Variants in RBMS3 observed in about 807,000 individuals in gnomAD.
The protein encoded by RBMS3 is RNA binding motif single stranded interacting protein 3, also known as RNA-binding motif, single-stranded-interacting protein 3.
In RBMS3, 27 loss-of-function variants were observed where a neutral mutation model predicts 66.8. The observed-to-expected ratio is 0.40, with a 90% CI of 0.30 to 0.56. The LOEUF (loss-of-function observed/expected upper bound fraction) is 0.56, where lower values mean the gene tolerates loss of function less well. RBMS3 is among the 20% of genes least tolerant of loss of function. The pLI, the probability that RBMS3 is intolerant of heterozygous loss-of-function variation, is 0.40. For synonymous variants in RBMS3, 188 were observed against 183.0 expected, an observed-to-expected ratio of 1.03 and a Z score of -0.22; for missense variants, 513 against 549.5, an observed-to-expected ratio of 0.93 and a Z score of 0.66.
chr3:29,691,851 T>C (rs1350205158), intron 4 of RBMS3, among the ~76,000 whole-genome samples: 2 of 151,684 alleles, frequency 1.3e-5, no homozygotes, highest in Admixed American at 6.6e-5. Flanking sequence ...TTGCTCCCAA[T>C]AGTTTATGTG....
chr3:29,499,679 G>A (rs1389727669), intron 3 of RBMS3, among the ~76,000 whole-genome samples: 4 of 152,200 alleles, frequency 2.6e-5, no homozygotes, highest in African/African-American at 9.7e-5. Context: ...TCATTCAGCG[G>A]ACACCAGCCC....
chr3:29,509,422 G>GT (rs1024628775), intron 3 of RBMS3, among the ~76,000 whole-genome samples: 15 of 152,124 alleles, frequency 9.9e-5, no homozygotes, highest in African/African-American at 3.6e-4. Flanking sequence ...TATGATAGCA[G>GT]TTTTTTCAAA....
At chr3:29,754,787 G>T (rs141298973) in intron 5 of RBMS3, among the ~76,000 whole-genome samples, 37 of 152,284 alleles carry the variant, frequency 2.4e-4, no homozygotes, top group Non-Finnish European at 4.9e-4. Flanking sequence ...AAGACTTTTC[G>T]TTAAGATAAC....
intron 12 of RBMS3, among the ~76,000 whole-genome samples, chr3:29,973,664 C>G (rs887281398): frequency 6.6e-6 from 1 of 151,944 alleles, no homozygotes; most frequent in African/African-American, 2.4e-5. Context: ...TTTGGCCTCT[C>G]AATTTCCTGA....
intron 1 of RBMS3, among the ~76,000 whole-genome samples, chr3:29,287,605 T>C (rs1437115727): frequency 6.6e-6 from 1 of 152,096 alleles, no homozygotes; most frequent in African/African-American, 2.4e-5. Context: ...ATACAACTTT[T>C]GCTTCCATTT....
intron 4 of RBMS3, among the ~76,000 whole-genome samples, chr3:29,657,498 G>A (rs923930821): frequency 6.6e-6 from 1 of 152,192 alleles, no homozygotes; most frequent in Admixed American, 6.5e-5. Flanking sequence ...AGTAAGCTTT[G>A]ATGGTGACAA....
rs1162785060 is a variant in RBMS3, at chr3:29,648,321, G to A, written c.399+61116G>A. On this transcript the variant is annotated intron_variant, in intron 4 of 14. Transcript: ENST00000383767. ...CTCGCTGTGTCACCCAGGCTGGAGT[G>A]CAGTGGCATGAACAATAATGGCTCA... is the stretch of plus-strand genomic sequence containing the variant. 2.2e-5 allele frequency among the ~76,000 whole-genome samples: 3 copies of A among 135,156 alleles called. No homozygotes were observed. In the East Asian group the frequency reaches 7.2e-4, roughly 33 times the overall value. 88.7% of individuals were successfully genotyped at this position (135,156 alleles called of 152,430 possible).
chr3:29,429,527 C>G (rs947683461), intron 1 of RBMS3, among the ~76,000 whole-genome samples: 3 of 152,146 alleles, frequency 2.0e-5, no homozygotes, highest in African/African-American at 7.2e-5. Context: ...GAGAAATCCT[C>G]TATCTCTCTT....
At chr3:29,727,981 G>A (rs2149331224) in intron 4 of RBMS3, among the ~76,000 whole-genome samples, 1 of 152,288 alleles carries the variant, frequency 6.6e-6, no homozygotes, top group East Asian at 1.9e-4. Flanking sequence ...TGATAGACTG[G>A]ATAAAGAAAA....
intron 2 of RBMS3, among the ~76,000 whole-genome samples, chr3:29,464,064 A>G (rs557404141): frequency 2.0e-5 from 3 of 152,278 alleles, no homozygotes; most frequent in Admixed American, 2.0e-4. Flanking sequence ...CAAGATCTTT[A>G]GTGATCTTGT....
intron 4 of RBMS3, among the ~76,000 whole-genome samples, chr3:29,640,230 G>A (rs879403093): frequency 1.5e-4 from 22 of 150,204 alleles, no homozygotes; most frequent in Non-Finnish European, 2.5e-4. Context: ...ATCTCATGCA[G>A]TAAACATTTT....
intron 6 of RBMS3, among the ~76,000 whole-genome samples, chr3:29,783,331 TC>T (rs1324654967): frequency 6.6e-6 from 1 of 152,182 alleles, no homozygotes; most frequent in Non-Finnish European, 1.5e-5. Context: ...GGAAAACCTA[TC>T]AGATTAACAG....
chr3:29,559,085 A>T (rs1019165641), intron 3 of RBMS3, among the ~76,000 whole-genome samples: 2 of 152,166 alleles, frequency 1.3e-5, no homozygotes, highest in African/African-American at 2.4e-5. Flanking sequence ...AAAGGAAGAG[A>T]TAGCTATCCA....
Position 29,497,973 on chromosome 3 carries a change from A to ATTTTTTTTTTTTTTTTTTTTT in RBMS3, c.307+9491_307+9511dup, listed in dbSNP as rs779555263. ...TCAGAGTTATTCTCTAAAAGTATTC[A>ATTTTTTTTTTTTTTTTTTTTT]TTTTTTTTTTTTTTTTTTTTTTTTT... is the stretch of plus-strand genomic sequence containing the variant. On this transcript the variant is annotated intron_variant, in intron 3 of 14. Coordinates refer to ENST00000383767, the MANE Select transcript of RBMS3 (RefSeq NM_001003793.3). Among the ~76,000 whole-genome samples the ATTTTTTTTTTTTTTTTTTTTT allele has an allele frequency of 1.2e-4, 5 of 43,438 alleles. 1 individual carries two copies. The highest frequency in any genetic ancestry group is 2.0e-4 in the African/African-American group (2 of 10,156). 28.5% of individuals were successfully genotyped at this position (43,438 alleles called of 152,430 possible).
chr3:29,985,677 C>T (rs1011040306), intron 12 of RBMS3, among the ~76,000 whole-genome samples: 1 of 152,114 alleles, frequency 6.6e-6, no homozygotes, highest in African/African-American at 2.4e-5. Flanking sequence ...TTGGGCTGCA[C>T]CCACTATCTA....
chr3:29,324,602 C>G (rs2035204742), intron 1 of RBMS3, among the ~76,000 whole-genome samples: 1 of 148,182 alleles, frequency 6.7e-6, no homozygotes, highest in African/African-American at 2.7e-5. Flanking sequence ...GAGTCACTTC[C>G]TTGTTATGCT....
At chr3:29,855,547 G>T (rs1389662341) in intron 6 of RBMS3, among the ~76,000 whole-genome samples, 9 of 152,126 alleles carry the variant, frequency 5.9e-5, no homozygotes, top group Non-Finnish European at 7.4e-5. Context: ...TACAACTTGT[G>T]ACTAGCCAAA....
intron 9 of RBMS3, 28 bp downstream of exon 9, chr3:29,897,503 A>T (rs752510414): frequency 1.3e-6 from 2 of 1,583,832 alleles, no homozygotes; most frequent in Non-Finnish European, 1.7e-6. Context: ...GCACCTTAGG[A>T]GATATCTTTC....
chr3:29,580,681 A>T (rs990540900), intron 3 of RBMS3, among the ~76,000 whole-genome samples: 4 of 133,230 alleles, frequency 3.0e-5, no homozygotes, highest in South Asian at 2.3e-4. Context: ...AAATTTAATA[A>T]TATAATAATA....
Sources: gnomAD v4.1 joint callset for allele counts (sites outside exome capture counted in the v4.1 genomes callset) on GRCh38, gnomAD v4.1.1 for gene constraint, MANE v1.5 for transcripts, NCBI Gene and HGNC (gene_info 2026-07-23, HGNC 2026-07-21) for gene names.